The following PCARE variants were observed in gnomAD, a reference collection of about 807,000 sequenced individuals.
The protein encoded by PCARE is photoreceptor cilium actin regulator.
A neutral mutation model predicts 82.2 loss-of-function variants in PCARE; 72 were observed. That is an observed-to-expected ratio of 0.88 (90% CI 0.72 to 1.07). The LOEUF is 1.07. PCARE is among the 50% of genes least tolerant of loss of function. The pLI, the probability that PCARE is intolerant of heterozygous loss-of-function variation, is 0.00. For synonymous variants in PCARE, 705 were observed against 634.8 expected, an observed-to-expected ratio of 1.11 and a Z score of -1.66; for missense variants, 1,768 against 1,592.4, an observed-to-expected ratio of 1.11 and a Z score of -1.88.
chr2:29,071,894 C>T lies in PCARE; in HGVS notation c.2368G>A (p.Glu790Lys), dbSNP rs1446797462. 1 of 1,614,234 alleles carries T rather than the reference C, an allele frequency of 6.2e-7. No homozygotes were observed. The highest frequency in any genetic ancestry group is 8.5e-7 in the Non-Finnish European group (1 of 1,180,040). Residue 790 changes from glutamate to lysine, a missense_variant, in exon 1 of 2, where the codon GAA becomes AAA. Coordinates refer to ENST00000331664, the MANE Select transcript of PCARE (RefSeq NM_001029883.3). ...KPQISPASGR[E>K]SLKMGIGWKP... Reference sequence around the variant, plus strand: ...CAGCCTATGCCCATTTTGAGAGATTCTCTGCCTGATGCTGGAGAAATTTGG... The same window carrying T: ...CAGCCTATGCCCATTTTGAGAGATTTTCTGCCTGATGCTGGAGAAATTTGG...
Position 29,072,396 on chromosome 2 carries a change from C to G in PCARE, c.1866G>C (p.Lys622Asn). 6.2e-7 allele frequency: 1 copy of G among 1,614,196 alleles called. No homozygotes were observed. The highest frequency in any genetic ancestry group is 1.7e-5 in the Admixed American group (1 of 60,032). Reference sequence around the variant, plus strand: ...CACCCAGGGCATAAAATGCCTCCAGCTTCTGACTGAGGTCCCTCTGGACCC... The same window carrying G: ...CACCCAGGGCATAAAATGCCTCCAGGTTCTGACTGAGGTCCCTCTGGACCC... ...LRRVQRDLSQ[K>N]LEAFYALGAK... The change falls in exon 1 of 2, where the codon AAG becomes AAC. Residue 622 changes from lysine to asparagine, a missense_variant. Lys to Asn is a moderately conservative substitution (Grantham distance 94). Coordinates refer to ENST00000331664, the MANE Select transcript of PCARE (RefSeq NM_001029883.3).
chr2:29,064,583 C>A lies in PCARE; in HGVS notation c.*286G>T, dbSNP rs78759931. ...ATGCAACTATACATTCTCCACCCCC[C>A]ACCCCACCCCAAATTAAGGCCAGCA... On this transcript the variant is annotated 3_prime_UTR_variant, in exon 2 of 2. Coordinates refer to ENST00000331664, the MANE Select transcript of PCARE (RefSeq NM_001029883.3). 2,868 of 568,952 alleles carry A rather than the reference C, an allele frequency of 5.0e-3. 66 individuals carry two copies. The highest frequency in any genetic ancestry group is 0.046 in the African/African-American group (2,460 of 53,412). The allele number at this position is 568,952 out of a possible 1,614,324, so 35.2% of individuals were successfully genotyped here.
Position 29,070,687 on chromosome 2 carries a change from C to A in PCARE, c.3575G>T (p.Arg1192Met). The A allele has an allele frequency of 6.2e-7, 1 of 1,614,142 alleles. No individual in the cohort carries two copies. The highest frequency in any genetic ancestry group is 1.3e-5 in the African/African-American group (1 of 75,046). The change falls in exon 1 of 2, where the codon AGG becomes ATG. Residue 1192 changes from arginine (R) to methionine (M), a missense_variant. Transcript: ENST00000331664. ...CALNPLPFLRRTASDRQPGGR... is the reference protein window; with the variant it reads ...CALNPLPFLRMTASDRQPGGR... ...ACCTGGCTGGCGGTCAGAAGCTGTC[C>A]TCCTGAGGAAAGGCAGAGGGTTGAG...
rs1397720155 is a variant in PCARE at position 29,074,032 on chromosome 2, A to G, written c.230T>C (p.Leu77Pro). Residue 77 changes from leucine (L) to proline (P), a missense_variant, in exon 1 of 2, where the codon CTC becomes CCC. Physicochemically the swap from Leu to Pro is moderately conservative, Grantham distance 98. Transcript: ENST00000331664. ...TTTGCCTGAAGCAGGATCTCCCATG[A>G]GCTGACAAAGACCTTTAGCTGTGGT... The part of the protein sequence containing the change: ...NQTTAKGLCQ[L>P]MGDPASGKRK... The G allele has an allele frequency of 6.2e-7, 1 of 1,614,124 alleles. No individual in the cohort carries two copies.
Position 29,073,371 on chromosome 2 carries a change from G to A in PCARE, c.891C>T (p.Ser297=). Residue 297 remains serine (S), a synonymous_variant, in exon 1 of 2, where the codon AGC becomes AGT. Coordinates refer to ENST00000331664, the MANE Select transcript of PCARE (RefSeq NM_001029883.3). ...SLTGSFLEGS[S]SYLHSTATHL... is the part of the protein sequence containing the mutation. The stretch of plus-strand genomic sequence containing the variant: ...GGGTTGCAGTGGAGTGGAGGTAGCT[G>A]CTGGAGCCCTCCAGGAAGCTGCCGG... 6.2e-7 allele frequency: 1 copy of A among 1,613,814 alleles called. No homozygotes were observed.
Position 29,073,094 on chromosome 2 carries a change from C to T in PCARE, c.1168G>A (p.Ala390Thr). 4 of 1,614,128 alleles carry T rather than the reference C, an allele frequency of 2.5e-6. 1 individual carries two copies. The highest frequency in any genetic ancestry group is 3.4e-6 in the Non-Finnish European group (4 of 1,180,016). Residue 390 changes from alanine (A) to threonine (T), a missense_variant, in exon 1 of 2, where the codon GCC becomes ACC. Transcript: ENST00000331664. The stretch of plus-strand genomic sequence containing the variant: ...TGCCAGGTGTGTCCTGACTGCCTGG[C>T]CTCTGTGTGGGGTGAAGTCACCGAC... ...WKSVTSPHTE[A>T]RQSGHTWQQS... is the part of the protein sequence containing the mutation.
Position 29,063,432 on chromosome 2 carries a change from A to G in PCARE, c.*1437T>C, listed in dbSNP as rs1667341447. 6.6e-6 allele frequency: 1 copy of G among 152,624 alleles called. No homozygotes were observed. Among genetic ancestry groups the G allele is most frequent in the Admixed American group, 6.5e-5 (1 of 15,292 alleles). The allele number at this position is 152,624 out of a possible 1,614,324, so 9.5% of individuals were successfully genotyped here. On this transcript the variant is annotated 3_prime_UTR_variant, in exon 2 of 2. Transcript: ENST00000331664. ...TTGGGTGCCTTTGAATAATAATTGGACAAGTCAAGGTGGGATTCATTTACT... is the reference window on the plus strand; with the variant it reads ...TTGGGTGCCTTTGAATAATAATTGGGCAAGTCAAGGTGGGATTCATTTACT...
chr2:29,067,083 G>A (rs552931957), intron 1 of PCARE, among the ~76,000 whole-genome samples: 152 of 151,940 alleles, frequency 1.0e-3, no homozygotes, highest in African/African-American at 3.1e-3. Flanking sequence ...CTGCCTGCAC[G>A]GAGTGACTGG....
rs1466962689 is a variant in PCARE, at chr2:29,072,384, A to G, written c.1878T>C (p.Phe626=). 1.2e-6 allele frequency: 2 copies of G among 1,614,062 alleles called. No individual in the cohort carries two copies. ...CCTGCCCTTTGGCACCCAGGGCATA[A>G]AATGCCTCCAGCTTCTGACTGAGGT... The part of the protein sequence containing the change: ...QRDLSQKLEA[F]YALGAKGQGQ... The change falls in exon 1 of 2, where the codon TTT becomes TTC. Residue 626 remains phenylalanine, a synonymous_variant. Coordinates refer to ENST00000331664, the MANE Select transcript of PCARE (RefSeq NM_001029883.3).
At position 29,072,762 on chromosome 2, in the gene PCARE, C is replaced by T. The variant is rs886055924; in HGVS notation, c.1500G>A (p.Met500Ile). 2 of 1,613,980 alleles carry T rather than the reference C, an allele frequency of 1.2e-6. No individual in the cohort carries two copies. The highest frequency in any genetic ancestry group is 1.7e-5 in the Admixed American group (1 of 59,992). ...EEEEEDKMSS[M>I]SLCAWQEKTP... ...TTTTTTCCTGCCAGGCACACAGACT[C>T]ATGCTGCTCATTTTGTCTTCCTCCT... Residue 500 changes from methionine to isoleucine, a missense_variant, in exon 1 of 2, where the codon ATG (methionine) becomes ATA (isoleucine). Physicochemically the swap from Met to Ile is conservative, Grantham distance 10. Transcript: ENST00000331664.
In PCARE at chr2:29,063,886, C is replaced by T. The variant is rs74315958; in HGVS notation, c.*983G>A. 0.019 allele frequency: 2,949 copies of T among 152,714 alleles called. 42 individuals are homozygous for T. Among genetic ancestry groups the T allele is most frequent in the Non-Finnish European group, 0.03 (2,012 of 68,032 alleles). The allele number at this position is 152,714 out of a possible 1,614,324, so 9.5% of individuals were successfully genotyped here. A position where few individuals can be genotyped will look rare whatever the true frequency, so the allele number is the denominator to read the frequency against. The stretch of plus-strand genomic sequence containing the variant: ...GGCCAAGAAGCCTCCGAGGGGAGAT[C>T]GGCGTGTGAGTACGTATGCCTCACC... On this transcript the variant is annotated 3_prime_UTR_variant, in exon 2 of 2. Transcript: ENST00000331664.
chr2:29,067,543 TC>T (rs1190807963), intron 1 of PCARE, among the ~76,000 whole-genome samples: 1 of 152,070 alleles, frequency 6.6e-6, no homozygotes. Context: ...CCCCTCTCTC[TC>T]TTTTTTTACA....
In PCARE at chr2:29,072,497, C is replaced by T; in HGVS notation, c.1765G>A (p.Glu589Lys). Residue 589 changes from glutamate to lysine, a missense_variant, in exon 1 of 2, where the codon GAG (glutamate) becomes AAG (lysine). Glu to Lys is a moderately conservative substitution (Grantham distance 56). Coordinates refer to ENST00000331664, the MANE Select transcript of PCARE (RefSeq NM_001029883.3). ...TCTGACTGGGACCTCGTCTGCCTCTCAGGGGCCCTCCTGCTGCCACTTACC... is the reference window on the plus strand; with the variant it reads ...TCTGACTGGGACCTCGTCTGCCTCTTAGGGGCCCTCCTGCTGCCACTTACC... Reference protein sequence around the residue: ...STVSGSRRAPERQTRSQSESC... With the variant: ...STVSGSRRAPKRQTRSQSESC... The T allele has an allele frequency of 6.2e-7, 1 of 1,614,244 alleles. No individual in the cohort carries two copies. The highest frequency in any genetic ancestry group is 8.5e-7 in the Non-Finnish European group (1 of 1,180,048).
Position 29,062,437 on chromosome 2 carries a change from C to T in PCARE, c.*2432G>A, listed in dbSNP as rs1396010066. 7 of 152,354 alleles carry T rather than the reference C, an allele frequency of 4.6e-5. No individual in the cohort carries two copies. The highest frequency in any genetic ancestry group is 8.8e-5 in the Non-Finnish European group (6 of 68,150). The allele number at this position is 152,354 out of a possible 1,614,324, so 9.4% of individuals were successfully genotyped here. On this transcript the variant is annotated 3_prime_UTR_variant, in exon 2 of 2. Coordinates refer to ENST00000331664, the MANE Select transcript of PCARE (RefSeq NM_001029883.3). Reference sequence around the variant, plus strand: ...TGCCCTGTACCCCTTCGTCTGCTGCCTGCAATATGGTGGGTGGGCACTTCC... The same window carrying T: ...TGCCCTGTACCCCTTCGTCTGCTGCTTGCAATATGGTGGGTGGGCACTTCC...
Position 29,070,925 on chromosome 2 carries a change from C to G in PCARE, c.3337G>C (p.Ala1113Pro), listed in dbSNP as rs1667464171. The change falls in exon 1 of 2, where the codon GCC becomes CCC. Residue 1113 changes from alanine to proline, a missense_variant. Physicochemically the swap from Ala to Pro is conservative, Grantham distance 27 (BLOSUM62 -1). Transcript: ENST00000331664. ...RDSEDSQAVIAKVSGNTHSIF... is the reference protein window; with the variant it reads ...RDSEDSQAVIPKVSGNTHSIF... ...GAATGTGTGTTCCCAGACACTTTGG[C>G]TATGACTGCTTGGCTGTCTTCAGAG... The G allele has an allele frequency of 6.2e-7, 1 of 1,613,154 alleles. No homozygotes were observed. The highest frequency in any genetic ancestry group is 8.5e-7 in the Non-Finnish European group (1 of 1,179,988).
At position 29,071,993 on chromosome 2, in the gene PCARE, G is replaced by A; in HGVS notation, c.2269C>T (p.Pro757Ser). 6.2e-7 allele frequency: 1 copy of A among 1,613,942 alleles called. No homozygotes were observed. The highest frequency in any genetic ancestry group is 8.5e-7 in the Non-Finnish European group (1 of 1,179,826). The change falls in exon 1 of 2, where the codon CCC (proline) becomes TCC (serine). Residue 757 changes from proline to serine, a missense_variant. Transcript: ENST00000331664. ...LGDSKDAGAS[P>S]CLRNCIMPPR... ...GGCATGATGCAATTCCTGAGGCAGG[G>A]ACTTGCCCCAGCGTCCTTAGAGTCC...
intron 1 of PCARE, among the ~76,000 whole-genome samples, chr2:29,070,074 T>G (rs1403865991): frequency 6.6e-6 from 1 of 151,776 alleles, no homozygotes; most frequent in Non-Finnish European, 1.5e-5. Flanking sequence ...CTAACTTGAG[T>G]GTTTTGAACT....
Position 29,070,580 on chromosome 2 carries a change from A to C in PCARE, c.3668+14T>G. 1 of 1,613,752 alleles carries C rather than the reference A, an allele frequency of 6.2e-7. No homozygotes were observed. The highest frequency in any genetic ancestry group is 2.2e-5 in the East Asian group (1 of 44,876). On this transcript the variant is annotated intron_variant, in intron 1 of 1. Coordinates refer to ENST00000331664, the MANE Select transcript of PCARE (RefSeq NM_001029883.3). ...CAAGCCGCTGAAGGGCAGTGACCCC[A>C]GGACACTCCTTACCTGTTCTGGCCG...
chr2:29,066,519 G>T (rs1667392146), intron 1 of PCARE, among the ~76,000 whole-genome samples: 1 of 152,228 alleles, frequency 6.6e-6, no homozygotes. Flanking sequence ...TGCACAATGT[G>T]CTCAGCTCTG....
Sources: gnomAD v4.1 joint callset for allele counts (sites outside exome capture counted in the v4.1 genomes callset) on GRCh38, gnomAD v4.1.1 for gene constraint, MANE v1.5 for transcripts, NCBI Gene and HGNC (gene_info 2026-07-23, HGNC 2026-07-21) for gene names.